Variants in DPF3 observed in about 807,000 individuals in gnomAD.
DPF3 encodes the protein zinc finger protein DPF3.
Under a neutral mutation model 56.8 loss-of-function variants are expected in DPF3, and 18 were observed. That is an observed-to-expected ratio of 0.32 (90% CI 0.22 to 0.47). DPF3 has a LOEUF of 0.47. DPF3 is among the 20% of genes least tolerant of loss of function. DPF3 has a pLI of 1.00. For synonymous variants in DPF3, 188 were observed against 180.2 expected (o/e 1.04, Z -0.35); for missense variants, 403 against 488.8 (o/e 0.82, Z 1.65).
chr14:72,635,275 G>A (rs543816911), intron 8 of DPF3, among the ~76,000 whole-genome samples: 1 of 152,306 alleles, frequency 6.6e-6, no homozygotes, highest in African/African-American at 2.4e-5. Context: ...TAATCCATGA[G>A]GCTGGGAGTA....
At position 72,614,669 on chromosome 14, in the gene DPF3, C is replaced by T. The variant is rs895713740; in HGVS notation, c.*4628G>A. Among the ~76,000 whole-genome samples, 2 of 150,388 alleles carry T rather than the reference C, an allele frequency of 1.3e-5. No individual in the cohort carries two copies. Among genetic ancestry groups the T allele is most frequent in the African/African-American group, 4.9e-5 (2 of 40,644 alleles). On this transcript the variant is annotated 3_prime_UTR_variant, in exon 11 of 11. Transcript: ENST00000556509. ...CCTGAAACCCCACACAACCAACGGG[C>T]GGCCTCAAGAAAGAGGGAGCTGAAT...
Position 72,623,217 on chromosome 14 carries a change from C to A in DPF3, c.985-3233G>T, listed in dbSNP as rs79283043. On this transcript the variant is annotated intron_variant, in intron 9 of 10. Coordinates refer to ENST00000556509, the MANE Select transcript of DPF3 (RefSeq NM_001280542.3). ...TAGTGTGGAAGAGGTAAGTAGAGAG[C>A]TACATTTCTTTGAATATAATGTTTC... is the stretch of plus-strand genomic sequence containing the variant. Among the ~76,000 whole-genome samples, 433 of 152,142 alleles carry A rather than the reference C, an allele frequency of 2.8e-3. 2 individuals carry two copies. The highest frequency in any genetic ancestry group is 9.9e-3 in the African/African-American group (410 of 41,492).
At position 72,615,036 on chromosome 14, in the gene DPF3, G is replaced by A. The variant is rs1884008972; in HGVS notation, c.*4261C>T. 6.6e-6 allele frequency among the ~76,000 whole-genome samples: 1 copy of A among 152,104 alleles called. No homozygotes were observed. The highest frequency in any genetic ancestry group is 1.5e-5 in the Non-Finnish European group (1 of 68,004). On this transcript the variant is annotated 3_prime_UTR_variant, in exon 11 of 11. Transcript: ENST00000556509. ...GGCCTGGGACTTGCGGCATCCTGTG[G>A]GAGTGTGAGCGTGGCTCTGGCCAGA...
intron 1 of DPF3, among the ~76,000 whole-genome samples, chr14:72,833,618 T>G (rs1217514511): frequency 1.3e-5 from 2 of 151,986 alleles, no homozygotes; most frequent in Non-Finnish European, 1.5e-5. Flanking sequence ...CAAAAAACGT[T>G]GAGGAGTAGC....
At chr14:72,749,448 C>T (rs566731260) in intron 3 of DPF3, among the ~76,000 whole-genome samples, 1 of 152,314 alleles carries the variant, frequency 6.6e-6, no homozygotes, top group Admixed American at 6.5e-5. Flanking sequence ...TTGGATGAGA[C>T]TTTGGACTGT....
At chr14:72,708,887 G>A (rs929437469) in intron 6 of DPF3, among the ~76,000 whole-genome samples, 11 of 152,224 alleles carry the variant, frequency 7.2e-5, no homozygotes, top group African/African-American at 1.7e-4. Flanking sequence ...GAAGAAAGGC[G>A]CCACTGTGTG....
intron 8 of DPF3, among the ~76,000 whole-genome samples, chr14:72,636,256 C>T (rs1473206995): frequency 2.0e-5 from 3 of 152,156 alleles, no homozygotes; most frequent in Admixed American, 2.0e-4. Flanking sequence ...ATATAAAATT[C>T]CTGGTATTTA....
intron 7 of DPF3, among the ~76,000 whole-genome samples, chr14:72,685,416 T>G (rs1318432410): frequency 6.6e-6 from 1 of 152,262 alleles, no homozygotes; most frequent in East Asian, 1.9e-4. Flanking sequence ...AATGGACTTA[T>G]GATCATAACA....
At chr14:72,680,558 G>T (rs555078957) in intron 7 of DPF3, among the ~76,000 whole-genome samples, 1 of 152,260 alleles carries the variant, frequency 6.6e-6, no homozygotes, top group African/African-American at 2.4e-5. Flanking sequence ...TGAGGACACC[G>T]TGAATATATG....
chr14:72,775,944 A>G (rs1282516448), intron 1 of DPF3, among the ~76,000 whole-genome samples: 1 of 152,002 alleles, frequency 6.6e-6, no homozygotes, highest in African/African-American at 2.4e-5. Context: ...AGCAATTTAA[A>G]CAGCAGAGGA....
At chr14:72,774,647 C>T (rs1367743482) in intron 1 of DPF3, among the ~76,000 whole-genome samples, 1 of 151,930 alleles carries the variant, frequency 6.6e-6, no homozygotes, top group Non-Finnish European at 1.5e-5. Context: ...AACAACAAAA[C>T]AAAAACCCTT....
At chr14:72,753,815 C>A (rs528338519) in intron 2 of DPF3, among the ~76,000 whole-genome samples, 18 of 152,168 alleles carry the variant, frequency 1.2e-4, no homozygotes, top group African/African-American at 3.4e-4. Flanking sequence ...TGAGAAGCAT[C>A]GCAAAGAGAC....
rs117196814 is a variant in DPF3 at position 72,759,065 on chromosome 14, C to T, written c.194-5694G>A. On this transcript the variant is annotated intron_variant, in intron 2 of 10. Transcript: ENST00000556509. Reference sequence around the variant, plus strand: ...AGAACATTAAAACATTATTTGTATGCTCTGTGTTCAAGTTTAGTAAAAATT... The same window carrying T: ...AGAACATTAAAACATTATTTGTATGTTCTGTGTTCAAGTTTAGTAAAAATT... Among the ~76,000 whole-genome samples the T allele has an allele frequency of 3.7e-3, 561 of 152,240 alleles. 3 individuals are homozygous for T. The highest frequency in any genetic ancestry group is 6.1e-3 in the Non-Finnish European group (415 of 68,016).
chr14:72,639,647 C>T (rs202202704), intron 8 of DPF3, among the ~76,000 whole-genome samples: 5 of 152,048 alleles, frequency 3.3e-5, no homozygotes, highest in Non-Finnish European at 7.4e-5. Context: ...AGAACCCACA[C>T]GTGTGGGCTT....
chr14:72,743,881 C>T (rs930531512), intron 3 of DPF3, among the ~76,000 whole-genome samples: 9 of 152,230 alleles, frequency 5.9e-5, no homozygotes, highest in African/African-American at 1.9e-4. Context: ...CTTGCATTCG[C>T]CTCTGTGGCC....
chr14:72,879,548 A>G (rs1886245434), intron 1 of DPF3, among the ~76,000 whole-genome samples: 1 of 152,146 alleles, frequency 6.6e-6, no homozygotes, highest in African/African-American at 2.4e-5. Context: ...AGGGTCAGCA[A>G]GGGCTCCACC....
rs1567217731 is a variant in DPF3, at chr14:72,740,480, G to A, written c.302-8546C>T. ...TCTGTCCTCATGGTACTAATATTGT[G>A]GTTCTCAGATGTGTCCTGGGGGCAG... On this transcript the variant is annotated intron_variant, in intron 3 of 10. Coordinates refer to ENST00000556509, the MANE Select transcript of DPF3 (RefSeq NM_001280542.3). Among the ~76,000 whole-genome samples the A allele has an allele frequency of 2.0e-5, 3 of 152,168 alleles. No homozygotes were observed. In the South Asian group the frequency reaches 6.2e-4, roughly 32 times the overall value.
chr14:72,680,543 A>G (rs1387105353), intron 7 of DPF3, among the ~76,000 whole-genome samples: 1 of 152,248 alleles, frequency 6.6e-6, no homozygotes, highest in Non-Finnish European at 1.5e-5. Context: ...TCTTGCCACC[A>G]GCTCTGAGGA....
chr14:72,659,233 C>T (rs1886136778), intron 8 of DPF3, among the ~76,000 whole-genome samples: 4 of 152,324 alleles, frequency 2.6e-5, no homozygotes, highest in Admixed American at 2.0e-4. Flanking sequence ...AAGATACCTG[C>T]TCTGTCAGCA....
Sources: gnomAD v4.1 joint callset for allele counts (sites outside exome capture counted in the v4.1 genomes callset) on GRCh38, gnomAD v4.1.1 for gene constraint, MANE v1.5 for transcripts, NCBI Gene and HGNC (gene_info 2026-07-23, HGNC 2026-07-21) for gene names.